FAM149A: variants seen among roughly 807,000 people sequenced by gnomAD.
FAM149A encodes family with sequence similarity 149 member A.
In FAM149A, 71 loss-of-function variants were observed where a neutral mutation model predicts 78.2. The ratio of observed to expected loss-of-function variants is 0.91; its 90% CI spans 0.75 to 1.11. The LOEUF (loss-of-function observed/expected upper bound fraction) is 1.11, where lower values mean the gene tolerates loss of function less well. Among genes scored for constraint, FAM149A ranks in the 50% least tolerant of loss-of-function variants. The pLI is 0.00. For synonymous variants in FAM149A, 446 were observed against 410.5 expected (o/e 1.09, Z -1.04); for missense variants, 1,036 against 971.0 (o/e 1.07, Z -0.89).
At chr4:186,134,870 T>A (rs986811797) in intron 1 of FAM149A, among the ~76,000 whole-genome samples, 1 of 152,140 alleles carries the variant, frequency 6.6e-6, no homozygotes, top group Non-Finnish European at 1.5e-5. Flanking sequence ...CTTCAAACAT[T>A]GATTAAAGGT....
chr4:186,145,494 A>G lies in FAM149A; in HGVS notation c.567-3679A>G, dbSNP rs76864150. Reference sequence around the variant, plus strand: ...TCAACTAGGAATAGAAAATTTTGAAAGCTGCTGTCACTGACATTAGAATTT... The same window carrying G: ...TCAACTAGGAATAGAAAATTTTGAAGGCTGCTGTCACTGACATTAGAATTT... On this transcript the variant is annotated intron_variant, in intron 1 of 13. Coordinates refer to ENST00000389354, the MANE Select transcript of FAM149A (RefSeq NM_001367768.3). 4.2e-4 allele frequency among the ~76,000 whole-genome samples: 64 copies of G among 152,352 alleles called. 2 individuals carry two copies. The East Asian group carries it at 0.011, about 27-fold the overall frequency.
rs1379700370 is a variant in FAM149A, at chr4:186,132,112, T to A, written c.567-17061T>A. The stretch of plus-strand genomic sequence containing the variant: ...ACACGTCATTTCCACAGCAGAGGCT[T>A]GGTGATGCTAATCATTTGACAAATT... On this transcript the variant is annotated intron_variant, in intron 1 of 13. Coordinates refer to ENST00000389354, the MANE Select transcript of FAM149A (RefSeq NM_001367768.3). The A allele has an allele frequency of 3.0e-6, 3 of 985,320 alleles. No homozygotes were observed. The East Asian group carries it at 3.4e-4, about 112-fold the overall frequency. 61.0% of individuals were successfully genotyped at this position (985,320 alleles called of 1,614,324 possible).
chr4:186,116,779 T>G, intron 1 of FAM149A: 1 of 980,488 alleles, frequency 1.0e-6, no homozygotes, highest in Non-Finnish European at 1.2e-6. Context: ...CAGTTATATG[T>G]TTTTTTGCTG....
At chr4:186,122,098 A>G (rs1258497536) in intron 1 of FAM149A, among the ~76,000 whole-genome samples, 1 of 152,116 alleles carries the variant, frequency 6.6e-6, no homozygotes, top group East Asian at 1.9e-4. Flanking sequence ...ATTAAGTGAG[A>G]AAATTGCTGA....
intron 13 of FAM149A, among the ~76,000 whole-genome samples, chr4:186,168,129 G>T (rs561473244): frequency 2.6e-5 from 4 of 152,130 alleles, no homozygotes; most frequent in African/African-American, 7.2e-5. Flanking sequence ...CAGATCTGTC[G>T]CTGTCCACAT....
chr4:186,145,018 G>T (rs1366179163), intron 1 of FAM149A: 1 of 981,766 alleles, frequency 1.0e-6, no homozygotes, highest in Non-Finnish European at 1.2e-6. Flanking sequence ...TCTGCGTGGG[G>T]CCCGCGCGCG....
At position 186,172,625 on chromosome 4, in the gene FAM149A, A is replaced by G. The variant is rs1230105416; in HGVS notation, c.*638A>G. On this transcript the variant is annotated 3_prime_UTR_variant, in exon 14 of 14. Coordinates refer to ENST00000389354, the MANE Select transcript of FAM149A (RefSeq NM_001367768.3). ...AGTTCACGTGAAGTACCCCACATTT[A>G]TTGATCTTAGGGTTGAATATAAACG... The G allele has an allele frequency of 4.5e-5, 5 of 112,258 alleles. 2 individuals are homozygous for G. Among genetic ancestry groups the G allele is most frequent in the African/African-American group, 1.4e-4 (5 of 35,822 alleles). The allele number at this position is 112,258 out of a possible 1,614,324, so 7.0% of individuals were successfully genotyped here.
Position 186,156,028 on chromosome 4 carries a change from G to T in FAM149A, c.1258G>T (p.Ala420Ser). The T allele has an allele frequency of 6.2e-7, 1 of 1,613,652 alleles. No homozygotes were observed. Among genetic ancestry groups the T allele is most frequent in the Non-Finnish European group, 8.5e-7 (1 of 1,179,788 alleles). The stretch of plus-strand genomic sequence containing the variant: ...TGATGAATGTCTTGAACAAAAACCA[G>T]CTCAGCCCGGTAGGAAATGGCGCAA... The change falls in exon 7 of 14, where the codon GCT becomes TCT. Residue 420 changes from alanine (A) to serine (S), a missense_variant. Coordinates refer to ENST00000389354, the MANE Select transcript of FAM149A (RefSeq NM_001367768.3).
chr4:186,126,477 A>G (rs1450953771), intron 1 of FAM149A, among the ~76,000 whole-genome samples: 4 of 152,192 alleles, frequency 2.6e-5, no homozygotes, highest in Admixed American at 2.6e-4. Context: ...GAGAGTGGGC[A>G]TCATCTAATC....
In FAM149A at chr4:186,105,041, G is replaced by A. The variant is rs1258633107; in HGVS notation, c.-36G>A. ...CCGGATCTCCGCGGTCTGAACTCTCGGGCGGCGGCGAGGACGGCGTGTCCA... is the reference window on the plus strand; with the variant it reads ...CCGGATCTCCGCGGTCTGAACTCTCAGGCGGCGGCGAGGACGGCGTGTCCA... On this transcript the variant is annotated 5_prime_UTR_variant, in exon 1 of 14. Coordinates refer to ENST00000389354, the MANE Select transcript of FAM149A (RefSeq NM_001367768.3). 1 of 1,263,332 alleles carries A rather than the reference G, an allele frequency of 7.9e-7. No homozygotes were observed. The highest frequency in any genetic ancestry group is 1.0e-6 in the Non-Finnish European group (1 of 977,616). The allele number at this position is 1,263,332 out of a possible 1,614,324, so 78.3% of individuals were successfully genotyped here.
Position 186,167,279 on chromosome 4 carries a change from A to G in FAM149A, c.2218+17A>G. 1 of 1,598,772 alleles carries G rather than the reference A, an allele frequency of 6.3e-7. No individual in the cohort carries two copies. The highest frequency in any genetic ancestry group is 8.6e-7 in the Non-Finnish European group (1 of 1,166,132). On this transcript the variant is annotated intron_variant, in intron 13 of 13. Coordinates refer to ENST00000389354, the MANE Select transcript of FAM149A (RefSeq NM_001367768.3). ...TTTTGACAGGTCAGCTTTTCTCCAT[A>G]TGTAAATAAAGTGATGTAGTAAGTG...
intron 1 of FAM149A, chr4:186,132,915 T>G (rs1417570640): frequency 1.0e-6 from 1 of 958,306 alleles, no homozygotes; most frequent in African/African-American, 1.8e-5. Context: ...TAAATTCATG[T>G]TCATGTTAAG....
At chr4:186,109,359 T>C (rs2099310279) in intron 1 of FAM149A, 1 of 676,432 alleles carries the variant, frequency 1.5e-6, no homozygotes, top group South Asian at 6.6e-5. Flanking sequence ...CACATTACTG[T>C]GGAAACATTG....
chr4:186,109,860 T>C, intron 1 of FAM149A: 2 of 985,416 alleles, frequency 2.0e-6, no homozygotes, highest in Non-Finnish European at 1.2e-6. Flanking sequence ...ATGCCAATCT[T>C]TCATCATTAC....
chr4:186,169,836 C>T lies in FAM149A; in HGVS notation c.2219-2078C>T, dbSNP rs1049023420. On this transcript the variant is annotated intron_variant, in intron 13 of 13. Transcript: ENST00000389354. ...GAACGGTCCATGCCAGTCATCTGCGCCTCACTGCCTCTTAACTACTGACCC... is the reference window on the plus strand; with the variant it reads ...GAACGGTCCATGCCAGTCATCTGCGTCTCACTGCCTCTTAACTACTGACCC... 45 of 985,336 alleles carry T rather than the reference C, an allele frequency of 4.6e-5. No homozygotes were observed. The South Asian group carries it at 5.2e-4, about 11-fold the overall frequency. 61.0% of individuals were successfully genotyped at this position (985,336 alleles called of 1,614,324 possible).
In FAM149A at chr4:186,104,932, C is replaced by G. The variant is rs2150072285; in HGVS notation, c.-145C>G. 8.7e-7 allele frequency: 1 copy of G among 1,147,918 alleles called. No homozygotes were observed. The highest frequency in any genetic ancestry group is 1.1e-6 in the Non-Finnish European group (1 of 926,470). The allele number at this position is 1,147,918 out of a possible 1,614,324, so 71.1% of individuals were successfully genotyped here. On this transcript the variant is annotated 5_prime_UTR_variant, in exon 1 of 14. Coordinates refer to ENST00000389354, the MANE Select transcript of FAM149A (RefSeq NM_001367768.3). Reference sequence around the variant, plus strand: ...CCCCAGCGGCGCGGAGCTGAGCGTCCTCGGGGAGGAGAGGGAGCCAGGGGC... The same window carrying G: ...CCCCAGCGGCGCGGAGCTGAGCGTCGTCGGGGAGGAGAGGGAGCCAGGGGC...
At chr4:186,146,383 C>A (rs1733040648) in intron 1 of FAM149A, 1 of 802,428 alleles carries the variant, frequency 1.2e-6, no homozygotes, top group Non-Finnish European at 1.5e-6. Flanking sequence ...TTCCCCCTGC[C>A]CTGCATCCCA....
At chr4:186,146,599 A>G in intron 1 of FAM149A, 1 of 847,274 alleles carries the variant, frequency 1.2e-6, no homozygotes, top group Non-Finnish European at 1.4e-6. Context: ...CATGCGTCCC[A>G]TTTTGAATTT....
intron 2 of FAM149A, 62 bp from the exon 3 acceptor site, chr4:186,149,504 C>T (rs1363889046): frequency 2.3e-6 from 3 of 1,277,010 alleles, no homozygotes; most frequent in South Asian, 1.3e-5. Context: ...AAAAGTGAAG[C>T]CACTTAGCCA....
Sources: gnomAD v4.1 joint callset for allele counts (sites outside exome capture counted in the v4.1 genomes callset) on GRCh38, gnomAD v4.1.1 for gene constraint, MANE v1.5 for transcripts, NCBI Gene and HGNC (gene_info 2026-07-23, HGNC 2026-07-21) for gene names.